The following CAMSAP2 variants were observed in gnomAD, a reference collection of about 807,000 sequenced individuals.
CAMSAP2 encodes the protein calmodulin regulated spectrin associated protein family member 2, also known as calmodulin-regulated spectrin-associated protein 2.
In CAMSAP2, 26 loss-of-function variants were observed where a neutral mutation model predicts 146.1. That is an observed-to-expected ratio of 0.18 (90% CI 0.13 to 0.25). The LOEUF (loss-of-function observed/expected upper bound fraction) is 0.25, where lower values mean the gene tolerates loss of function less well. Ranked by LOEUF, CAMSAP2 falls within the 10% of genes least tolerant of loss-of-function variation. The pLI is 1.00. For missense variants in CAMSAP2, 1,381 were observed against 1,759.3 expected, an observed-to-expected ratio of 0.78 and a Z score of 3.85; for synonymous variants, 499 against 596.6, an observed-to-expected ratio of 0.84 and a Z score of 2.38.
intron 2 of CAMSAP2, among the ~76,000 whole-genome samples, chr1:200,773,181 C>T (rs532561005): frequency 3.9e-5 from 6 of 152,162 alleles, no homozygotes; most frequent in East Asian, 1.9e-4. Flanking sequence ...ACAGACCTGC[C>T]AGCAATAATT....
At chr1:200,760,765 A>T (rs1028327268) in intron 1 of CAMSAP2, 74 bp from the exon 2 acceptor site, 3 of 1,073,336 alleles carry the variant, frequency 2.8e-6, no homozygotes, top group African/African-American at 3.2e-5. Context: ...TGACATAAAT[A>T]ATAATTATTA....
intron 6 of CAMSAP2, among the ~76,000 whole-genome samples, chr1:200,833,573 A>G (rs1667099991): frequency 6.6e-6 from 1 of 152,156 alleles, no homozygotes. Context: ...AAAAGAAAAA[A>G]AAAAGTCATG....
At chr1:200,810,575 CAAAA>C (rs955804895) in intron 3 of CAMSAP2, among the ~76,000 whole-genome samples, 4 of 95,866 alleles carry the variant, frequency 4.2e-5, no homozygotes, top group Non-Finnish European at 2.1e-5. Context: ...GACTCCATCT[CAAAA>C]AAAAAAAAAA....
intron 4 of CAMSAP2, among the ~76,000 whole-genome samples, chr1:200,824,808 G>A (rs1302273318): frequency 1.4e-4 from 21 of 152,132 alleles, no homozygotes; most frequent in African/African-American, 4.6e-4. Context: ...GTGAAACCCC[G>A]TCTCTACCAA....
At chr1:200,845,845 A>G (rs112811117) in intron 8 of CAMSAP2, among the ~76,000 whole-genome samples, 104 of 152,350 alleles carry the variant, frequency 6.8e-4, no homozygotes, top group African/African-American at 2.3e-3. Flanking sequence ...AGTACATAGT[A>G]TTAGGAACTA....
Position 200,858,678 on chromosome 1 carries a change from A to G in CAMSAP2, c.*619A>G, listed in dbSNP as rs12733378. ...CTGCTAAGTATTTACAACTCTATTT[A>G]TTATTCACTCAAGTATTAACATTCT... On this transcript the variant is annotated 3_prime_UTR_variant, in exon 17 of 17. Coordinates refer to ENST00000358823, the MANE Select transcript of CAMSAP2 (RefSeq NM_203459.4). The G allele has an allele frequency of 0.1, 15,480 of 152,640 alleles. 875 individuals carry two copies. Among genetic ancestry groups the G allele is most frequent in the East Asian group, 0.17 (907 of 5,310 alleles). 9.5% of individuals were successfully genotyped at this position (152,640 alleles called of 1,614,324 possible).
chr1:200,780,247 A>G (rs909284005), intron 2 of CAMSAP2, among the ~76,000 whole-genome samples: 7 of 152,230 alleles, frequency 4.6e-5, no homozygotes, highest in African/African-American at 1.4e-4. Context: ...TGGTCTACCA[A>G]AATTACAGAG....
intron 2 of CAMSAP2, among the ~76,000 whole-genome samples, chr1:200,774,207 A>G (rs186043633): frequency 1.0e-3 from 158 of 152,232 alleles, no homozygotes; most frequent in African/African-American, 3.5e-3. Flanking sequence ...GATGTGATTT[A>G]GTGGAATAAA....
chr1:200,826,281 A>C (rs1666904800), intron 4 of CAMSAP2, among the ~76,000 whole-genome samples: 1 of 151,950 alleles, frequency 6.6e-6, no homozygotes, highest in Non-Finnish European at 1.5e-5. Context: ...AAAATACAAA[A>C]ATTAGCCAAG....
intron 2 of CAMSAP2, among the ~76,000 whole-genome samples, chr1:200,796,169 G>A (rs1241436289): frequency 6.6e-6 from 1 of 152,108 alleles, no homozygotes; most frequent in Non-Finnish European, 1.5e-5. Flanking sequence ...AATACAGATT[G>A]GGTATAACAG....
intron 2 of CAMSAP2, among the ~76,000 whole-genome samples, chr1:200,804,671 G>A (rs867836065): frequency 5.9e-5 from 9 of 152,320 alleles, no homozygotes; most frequent in Middle Eastern, 6.8e-3. Context: ...CAGGGATGGA[G>A]TATAACGGAG....
intron 1 of CAMSAP2, among the ~76,000 whole-genome samples, chr1:200,741,475 G>T (rs1664172881): frequency 6.6e-6 from 1 of 152,140 alleles, no homozygotes; most frequent in Non-Finnish European, 1.5e-5. Context: ...CTATTTGGAT[G>T]GCAAATCAAG....
chr1:200,841,901 G>T, intron 6 of CAMSAP2, 93 bp from the exon 7 acceptor site: 1 of 869,280 alleles, frequency 1.2e-6, no homozygotes, highest in Non-Finnish European at 1.9e-6. Context: ...AGTGATGAAT[G>T]AATGAGATTT....
At chr1:200,766,804 A>T (rs1406769892) in intron 2 of CAMSAP2, among the ~76,000 whole-genome samples, 2 of 152,188 alleles carry the variant, frequency 1.3e-5, no homozygotes, top group Non-Finnish European at 2.9e-5. Flanking sequence ...ATGGTGTGCC[A>T]CCTGGAACTC....
At chr1:200,831,795 A>G (rs898880775) in intron 4 of CAMSAP2, among the ~76,000 whole-genome samples, 2 of 152,014 alleles carry the variant, frequency 1.3e-5, no homozygotes, top group African/African-American at 2.4e-5. Flanking sequence ...TTCTGCTTGA[A>G]TAGTATTCTT....
chr1:200,838,685 C>T (rs1232905094), intron 6 of CAMSAP2, among the ~76,000 whole-genome samples: 1 of 152,084 alleles, frequency 6.6e-6, no homozygotes, highest in East Asian at 1.9e-4. Context: ...ACCAAGTAGC[C>T]TCTTGTAAGC....
At chr1:200,818,431 TAAAG>T (rs1258061260) in intron 4 of CAMSAP2, among the ~76,000 whole-genome samples, 5 of 152,176 alleles carry the variant, frequency 3.3e-5, no homozygotes, top group Non-Finnish European at 5.9e-5. Flanking sequence ...ACTGAGTGAA[TAAAG>T]AAATGATTGT....
intron 2 of CAMSAP2, among the ~76,000 whole-genome samples, chr1:200,762,649 A>G (rs1185800438): frequency 6.6e-6 from 1 of 152,234 alleles, no homozygotes; most frequent in African/African-American, 2.4e-5. Flanking sequence ...TATATATGTC[A>G]TAGATAACCT....
chr1:200,808,122 A>G (rs1666232175), intron 3 of CAMSAP2, among the ~76,000 whole-genome samples: 2 of 152,254 alleles, frequency 1.3e-5, no homozygotes, highest in Non-Finnish European at 2.9e-5. Context: ...ATAGTGAACT[A>G]TACACAGTGG....
Sources: allele counts gnomAD v4.1 joint callset (sites outside exome capture counted in the v4.1 genomes callset), GRCh38; gene constraint gnomAD v4.1.1; transcripts MANE v1.5; gene names NCBI Gene and HGNC (gene_info 2026-07-23, HGNC 2026-07-21).